The following CNTLN variants were observed in gnomAD, a reference collection of about 807,000 sequenced individuals.
CNTLN encodes centlein, also known as centlein, centrosomal protein.
In CNTLN, 212 loss-of-function variants were observed where a neutral mutation model predicts 180.0. The observed-to-expected ratio is 1.18, with a 90% CI of 1.05 to 1.32. The LOEUF (loss-of-function observed/expected upper bound fraction) is 1.32, where lower values mean the gene tolerates loss of function less well. Ranked by LOEUF, CNTLN falls within the 40% of genes most tolerant of loss-of-function variation. The pLI is 0.00. For missense variants in CNTLN, 2,095 were observed against 1,610.9 expected, an observed-to-expected ratio of 1.30 and a Z score of -5.14; for synonymous variants, 722 against 563.1, an observed-to-expected ratio of 1.28 and a Z score of -3.99.
intron 8 of CNTLN, among the ~76,000 whole-genome samples, chr9:17,323,955 A>G (rs1820096336): frequency 6.6e-6 from 1 of 152,206 alleles, no homozygotes; most frequent in Admixed American, 6.5e-5. Flanking sequence ...CTGGCTTCAC[A>G]TAAACACAGG....
intron 5 of CNTLN, among the ~76,000 whole-genome samples, chr9:17,269,141 A>C (rs199753625): frequency 6.6e-6 from 1 of 151,894 alleles, no homozygotes; most frequent in Non-Finnish European, 1.5e-5. Flanking sequence ...CATGCTGGGA[A>C]CTGTAGACCG....
intron 19 of CNTLN, among the ~76,000 whole-genome samples, chr9:17,459,650 G>T (rs376260581): frequency 1.4e-4 from 21 of 151,786 alleles, no homozygotes; most frequent in African/African-American, 4.1e-4. Flanking sequence ...AGTTCTGAAG[G>T]CTGGAAGTCT....
intron 5 of CNTLN, among the ~76,000 whole-genome samples, chr9:17,237,303 A>G (rs1366389355): frequency 1.3e-5 from 2 of 151,056 alleles, no homozygotes; most frequent in Non-Finnish European, 2.9e-5. Context: ...AAAAGGGCAG[A>G]CACAGATTTT....
intron 12 of CNTLN, among the ~76,000 whole-genome samples, chr9:17,348,766 G>C (rs149547818): frequency 6.6e-6 from 1 of 152,204 alleles, no homozygotes; most frequent in East Asian, 1.9e-4. Flanking sequence ...CTGACCTCAA[G>C]TAATCCACTT....
chr9:17,312,356 T>TAATATATA (rs1490977371), intron 8 of CNTLN, among the ~76,000 whole-genome samples: 1 of 14,832 alleles, frequency 6.7e-5, no homozygotes, highest in Non-Finnish European at 2.2e-4. Context: ...TATATATATA[T>TAATATATA]ATATATATTA....
intron 2 of CNTLN, among the ~76,000 whole-genome samples, chr9:17,201,476 T>C (rs371378108): frequency 6.6e-6 from 1 of 152,158 alleles, no homozygotes; most frequent in Admixed American, 6.5e-5. Flanking sequence ...GGCTTTTTTT[T>C]GGTTGGTAGG....
chr9:17,371,231 C>A (rs1283185570), intron 13 of CNTLN, among the ~76,000 whole-genome samples: 1 of 152,028 alleles, frequency 6.6e-6, no homozygotes, highest in Non-Finnish European at 1.5e-5. Flanking sequence ...ATATAAGAAA[C>A]GCTTCATCTA....
intron 16 of CNTLN, among the ~76,000 whole-genome samples, chr9:17,412,825 C>T (rs1827951695): frequency 6.6e-6 from 1 of 151,994 alleles, no homozygotes; most frequent in African/African-American, 2.4e-5. Context: ...AAAGTTGCTG[C>T]CATCAAAATG....
intron 18 of CNTLN, among the ~76,000 whole-genome samples, chr9:17,432,501 A>G (rs1364131561): frequency 1.3e-5 from 2 of 152,212 alleles, no homozygotes; most frequent in Non-Finnish European, 2.9e-5. Flanking sequence ...TGAAAAACAC[A>G]GAAGATATAT....
At chr9:17,417,800 A>G (rs1320546257) in intron 18 of CNTLN, among the ~76,000 whole-genome samples, 18 of 151,978 alleles carry the variant, frequency 1.2e-4, no homozygotes, top group Admixed American at 1.2e-3. Context: ...TTTGCAATCA[A>G]TTTTAATGTC....
chr9:17,267,077 CATT>C (rs1477535935), intron 5 of CNTLN, among the ~76,000 whole-genome samples: 1 of 152,094 alleles, frequency 6.6e-6, no homozygotes, highest in Non-Finnish European at 1.5e-5. Flanking sequence ...TTGGGCCTGT[CATT>C]ATGATGTTAG....
At chr9:17,200,433 G>A (rs75972051) in intron 2 of CNTLN, among the ~76,000 whole-genome samples, 2 of 152,094 alleles carry the variant, frequency 1.3e-5, no homozygotes, top group Non-Finnish European at 2.9e-5. Flanking sequence ...GGGGAGTATG[G>A]CCATTTTTAC....
intron 6 of CNTLN, among the ~76,000 whole-genome samples, chr9:17,282,782 G>T (rs1020442603): frequency 3.3e-5 from 5 of 152,110 alleles, no homozygotes; most frequent in African/African-American, 1.2e-4. Context: ...TAAGGAAGGG[G>T]TCCAGTTTCA....
chr9:17,261,273 A>G (rs1330438334), intron 5 of CNTLN, among the ~76,000 whole-genome samples: 1 of 151,502 alleles, frequency 6.6e-6, no homozygotes, highest in Non-Finnish European at 1.5e-5. Flanking sequence ...GAGTAGGGCC[A>G]TCTTAATGAT....
intron 3 of CNTLN, among the ~76,000 whole-genome samples, chr9:17,230,210 G>A (rs1824723116): frequency 6.6e-6 from 1 of 152,176 alleles, no homozygotes; most frequent in African/African-American, 2.4e-5. Context: ...CTTGGCTGCT[G>A]TGATTGGCTG....
chr9:17,162,728 G>C (rs1026401718), intron 2 of CNTLN, among the ~76,000 whole-genome samples: 1 of 152,140 alleles, frequency 6.6e-6, no homozygotes, highest in South Asian at 2.1e-4. Context: ...AAGTGGTTTG[G>C]TGGGCAGGAG....
chr9:17,257,018 C>T (rs912794388), intron 5 of CNTLN, among the ~76,000 whole-genome samples: 2 of 151,790 alleles, frequency 1.3e-5, no homozygotes, highest in African/African-American at 4.8e-5. Context: ...GGTACATGTG[C>T]ACATTGTGCA....
chr9:17,336,779 C>T (rs1236357742), intron 10 of CNTLN, among the ~76,000 whole-genome samples: 1 of 152,136 alleles, frequency 6.6e-6, no homozygotes, highest in Non-Finnish European at 1.5e-5. Context: ...CATAGGTGTA[C>T]ATGTGCCATG....
At chr9:17,405,394 G>T (rs1259556225) in intron 15 of CNTLN, among the ~76,000 whole-genome samples, 1 of 151,754 alleles carries the variant, frequency 6.6e-6, no homozygotes, top group African/African-American at 2.4e-5. Flanking sequence ...CCGGAAGCTG[G>T]GAAGTCCCAG....
Sources: gnomAD v4.1 joint callset for allele counts (sites outside exome capture counted in the v4.1 genomes callset) on GRCh38, gnomAD v4.1.1 for gene constraint, MANE v1.5 for transcripts, NCBI Gene and HGNC (gene_info 2026-07-23, HGNC 2026-07-21) for gene names.